Variants in MEIKIN observed in about 807,000 individuals in gnomAD.
MEIKIN encodes the protein meiotic kinetochore factor.
intron 8 of MEIKIN, among the ~76,000 whole-genome samples, chr5:131,887,990 G>A (rs1451110069): frequency 1.4e-5 from 2 of 138,948 alleles, no homozygotes; most frequent in South Asian, 4.6e-4. Flanking sequence ...ATAGTTTGCT[G>A]AGAATGATGG....
intron 10 of MEIKIN, among the ~76,000 whole-genome samples, chr5:131,854,435 G>T (rs1430331835): frequency 6.6e-6 from 1 of 152,072 alleles, no homozygotes; most frequent in Non-Finnish European, 1.5e-5. Flanking sequence ...GCATAATGAT[G>T]TGAATGAATA....
chr5:131,870,487 T>C (rs1321167782), intron 9 of MEIKIN, among the ~76,000 whole-genome samples: 3 of 152,102 alleles, frequency 2.0e-5, no homozygotes, highest in East Asian at 3.9e-4. Flanking sequence ...TCCTAGGACA[T>C]TTCGCCCGTT....
At chr5:131,878,111 G>A (rs1750646009) in intron 9 of MEIKIN, among the ~76,000 whole-genome samples, 1 of 152,188 alleles carries the variant, frequency 6.6e-6, no homozygotes, top group Non-Finnish European at 1.5e-5. Context: ...CCTCACAGAT[G>A]AGGGGGGACT....
intron 9 of MEIKIN, among the ~76,000 whole-genome samples, chr5:131,872,970 G>A (rs1299479747): frequency 1.3e-5 from 2 of 152,184 alleles, no homozygotes; most frequent in Admixed American, 6.5e-5. Context: ...TCACCACCAG[G>A]CCTGCCCTAA....
chr5:131,924,073 T>C (rs1449082689), intron 5 of MEIKIN, among the ~76,000 whole-genome samples: 1 of 152,096 alleles, frequency 6.6e-6, no homozygotes, highest in African/African-American at 2.4e-5. Context: ...TAAGTGGAAA[T>C]ATCAAGTATT....
Position 131,835,605 on chromosome 5 carries a change from G to GT in MEIKIN, c.975+15658dup, listed in dbSNP as rs201538216. On this transcript the variant is annotated intron_variant, in intron 11 of 12. Coordinates refer to ENST00000442687, the MANE Select transcript of MEIKIN (RefSeq NM_001303622.2). ...GGTGTATATATCTGTCTTTTTTTTTGTTTTTTGAGACGGAGTCTCGCTCTG... is the reference window on the plus strand; with the variant it reads ...GGTGTATATATCTGTCTTTTTTTTTGTTTTTTTGAGACGGAGTCTCGCTCTG... Among the ~76,000 whole-genome samples, 448 of 150,598 alleles carry GT rather than the reference G, an allele frequency of 3.0e-3. 2 individuals carry two copies. Among genetic ancestry groups the GT allele is most frequent in the African/African-American group, 9.8e-3 (402 of 41,094 alleles).
intron 8 of MEIKIN, among the ~76,000 whole-genome samples, chr5:131,890,047 T>A (rs908274564): frequency 3.9e-5 from 6 of 152,200 alleles, no homozygotes; most frequent in Non-Finnish European, 8.8e-5. Flanking sequence ...CAGCCCTGCA[T>A]CCCAGGGATG....
chr5:131,913,035 C>T (rs1315771604), intron 7 of MEIKIN, among the ~76,000 whole-genome samples: 2 of 152,140 alleles, frequency 1.3e-5, no homozygotes. Flanking sequence ...AGTTATGTGC[C>T]ATTGGTATCT....
At chr5:131,930,521 C>G (rs1050159181) in intron 5 of MEIKIN, among the ~76,000 whole-genome samples, 2 of 152,106 alleles carry the variant, frequency 1.3e-5, no homozygotes, top group Non-Finnish European at 1.5e-5. Flanking sequence ...TTTTGTTTTT[C>G]TTGCAATTGC....
At chr5:131,825,580 G>A (rs1389055181) in intron 11 of MEIKIN, among the ~76,000 whole-genome samples, 2 of 152,144 alleles carry the variant, frequency 1.3e-5, no homozygotes, top group African/African-American at 4.8e-5. Flanking sequence ...GTTCCTTCAT[G>A]ACAGACCTCA....
chr5:131,918,209 G>C (rs1330722494), intron 6 of MEIKIN, among the ~76,000 whole-genome samples: 2 of 152,224 alleles, frequency 1.3e-5, no homozygotes, highest in East Asian at 3.8e-4. Flanking sequence ...CCTGAGCCAA[G>C]AGATAGAGAG....
intron 4 of MEIKIN, among the ~76,000 whole-genome samples, chr5:131,941,890 G>A (rs1751875313): frequency 6.6e-6 from 1 of 151,930 alleles, no homozygotes; most frequent in African/African-American, 2.4e-5. Flanking sequence ...CTCTTCATTT[G>A]CCAAATCCTG....
intron 9 of MEIKIN, among the ~76,000 whole-genome samples, chr5:131,873,449 C>T (rs949350017): frequency 1.3e-5 from 2 of 152,216 alleles, no homozygotes; most frequent in African/African-American, 4.8e-5. Context: ...GAAGAACTAA[C>T]TATCCTAAAT....
chr5:131,911,871 G>C lies in MEIKIN; in HGVS notation c.647C>G (p.Thr216Arg), dbSNP rs1427853553. 2 of 397,506 alleles carry C rather than the reference G, an allele frequency of 5.0e-6. No homozygotes were observed. Among genetic ancestry groups the C allele is most frequent in the Non-Finnish European group, 4.4e-6 (1 of 225,154 alleles). 24.6% of individuals were successfully genotyped at this position (397,506 alleles called of 1,614,324 possible). ...TGGAGAAACATTTTGATCTGCTACT[G>C]TCATCACTCTATAACAAGAACAAAC... ...YQKCHRKTVM[T>R]VADQNVSPKA... Residue 216 changes from threonine to arginine, a missense_variant, in exon 8 of 13, where the codon ACA (threonine) becomes AGA (arginine). By Grantham distance (71) the Thr-to-Arg change is moderately conservative. Transcript: ENST00000442687.
At chr5:131,844,690 G>A (rs1749978358) in intron 11 of MEIKIN, among the ~76,000 whole-genome samples, 1 of 152,186 alleles carries the variant, frequency 6.6e-6, no homozygotes, top group Admixed American at 6.5e-5. Flanking sequence ...AAGATTAGCA[G>A]AAATAGTGCT....
At chr5:131,830,835 C>T (rs772625346) in intron 11 of MEIKIN, among the ~76,000 whole-genome samples, 3 of 151,566 alleles carry the variant, frequency 2.0e-5, no homozygotes, top group Non-Finnish European at 4.4e-5. Context: ...AAAATGAAGC[C>T]AATCAAAGAT....
intron 12 of MEIKIN, among the ~76,000 whole-genome samples, chr5:131,815,371 G>A (rs1773083099): frequency 6.6e-6 from 1 of 152,140 alleles, no homozygotes; most frequent in South Asian, 2.1e-4. Flanking sequence ...CCAATAAATG[G>A]TACTTTTTTT....
At chr5:131,822,224 C>CT (rs747122454) in intron 11 of MEIKIN, among the ~76,000 whole-genome samples, 8 of 150,702 alleles carry the variant, frequency 5.3e-5, no homozygotes, top group Non-Finnish European at 7.4e-5. Flanking sequence ...GTCTTGTTTT[C>CT]TTTTTTTTAA....
chr5:131,863,050 A>G (rs1195333639), intron 9 of MEIKIN, among the ~76,000 whole-genome samples: 5 of 152,164 alleles, frequency 3.3e-5, no homozygotes, highest in African/African-American at 1.2e-4. Flanking sequence ...TGATCCAATG[A>G]TCATTCAGCG....
Sources: gnomAD v4.1 joint callset for allele counts (sites outside exome capture counted in the v4.1 genomes callset) on GRCh38, gnomAD v4.1.1 for gene constraint, MANE v1.5 for transcripts, NCBI Gene and HGNC (gene_info 2026-07-23, HGNC 2026-07-21) for gene names.